Variants in PTPRO observed in about 807,000 individuals in gnomAD.
PTPRO encodes the protein protein tyrosine phosphatase receptor type O.
Under a neutral mutation model 145.2 loss-of-function variants are expected in PTPRO, and 62 were observed. The ratio of observed to expected loss-of-function variants is 0.43; its 90% confidence interval spans 0.35 to 0.53. The LOEUF (loss-of-function observed/expected upper bound fraction) is 0.53, where lower values mean the gene tolerates loss of function less well. PTPRO is among the 20% of genes least tolerant of loss of function. The pLI, the probability that PTPRO is intolerant of heterozygous loss-of-function variation, is 0.01. For missense variants in PTPRO, 1,345 were observed against 1,482.7 expected (o/e 0.91, Z 1.53); for synonymous variants, 565 against 514.7 (o/e 1.10, Z -1.32).
At chr12:15,570,741 A>C (rs2135611251) in intron 19 of PTPRO, among the ~76,000 whole-genome samples, 1 of 152,328 alleles carries the variant, frequency 6.6e-6, no homozygotes, top group Non-Finnish European at 1.5e-5. Context: ...AACTCTGAAA[A>C]AATAAATAGC....
chr12:15,361,206 G>A (rs1452537211), intron 1 of PTPRO, among the ~76,000 whole-genome samples: 1 of 151,736 alleles, frequency 6.6e-6, no homozygotes, highest in Non-Finnish European at 1.5e-5. Context: ...GGGAGGCCAA[G>A]GCAGGCAGAT....
intron 17 of PTPRO, among the ~76,000 whole-genome samples, chr12:15,562,837 A>C (rs1200542385): frequency 6.6e-6 from 1 of 151,830 alleles, no homozygotes; most frequent in African/African-American, 2.4e-5. Context: ...TTTAAGCAAG[A>C]AGTGGCATTT....
At chr12:15,481,771 C>A (rs926994902) in intron 1 of PTPRO, among the ~76,000 whole-genome samples, 2 of 152,082 alleles carry the variant, frequency 1.3e-5, no homozygotes, top group African/African-American at 4.8e-5. Flanking sequence ...AACTGGATTT[C>A]TGAAAAATAA....
intron 1 of PTPRO, among the ~76,000 whole-genome samples, chr12:15,333,556 A>T (rs1436735464): frequency 1.3e-5 from 2 of 152,146 alleles, no homozygotes; most frequent in Non-Finnish European, 2.9e-5. Context: ...TATGGGACAG[A>T]CTCGAGACAG....
At chr12:15,369,655 G>T (rs969226338) in intron 1 of PTPRO, among the ~76,000 whole-genome samples, 45 of 152,152 alleles carry the variant, frequency 3.0e-4, no homozygotes, top group African/African-American at 1.1e-3. Flanking sequence ...AACTAAAAAT[G>T]ATTTTCAGCC....
intron 12 of PTPRO, among the ~76,000 whole-genome samples, chr12:15,544,160 T>A (rs1244691195): frequency 6.6e-6 from 1 of 152,044 alleles, no homozygotes; most frequent in Non-Finnish European, 1.5e-5. Flanking sequence ...TGATGATCAA[T>A]GAATGTGATC....
intron 1 of PTPRO, among the ~76,000 whole-genome samples, chr12:15,370,948 A>G (rs373544336): frequency 7.2e-5 from 11 of 152,340 alleles, no homozygotes; most frequent in African/African-American, 2.4e-4. Flanking sequence ...GCAAAGCAGA[A>G]CAGTAACCCT....
chr12:15,519,419 G>A (rs1942667232), intron 9 of PTPRO, among the ~76,000 whole-genome samples: 1 of 152,118 alleles, frequency 6.6e-6, no homozygotes, highest in Admixed American at 6.5e-5. Flanking sequence ...TTTAGGTTTT[G>A]GGATTCTCTT....
intron 23 of PTPRO, among the ~76,000 whole-genome samples, chr12:15,585,321 T>C (rs1420589419): frequency 6.6e-6 from 1 of 152,202 alleles, no homozygotes; most frequent in African/African-American, 2.4e-5. Context: ...TAAATTATTC[T>C]GCACAATTCT....
intron 1 of PTPRO, among the ~76,000 whole-genome samples, chr12:15,400,584 C>T (rs1939465103): frequency 6.6e-6 from 1 of 152,210 alleles, no homozygotes; most frequent in African/African-American, 2.4e-5. Context: ...TCTCCAACTC[C>T]TCCAACTGAG....
chr12:15,592,245 A>G (rs1217248726), intron 25 of PTPRO, among the ~76,000 whole-genome samples: 1 of 152,190 alleles, frequency 6.6e-6, no homozygotes, highest in Non-Finnish European at 1.5e-5. Context: ...CCAGGTCACA[A>G]AAGTTAACAA....
rs1246933902 is a variant in PTPRO, at chr12:15,371,054, T to C, written c.75+48253T>C. ...ACTATAATGCAAGTTATAATCTGGA[T>C]CTTCAGCAAACTATTCAGATCAGCT... On this transcript the variant is annotated intron_variant, in intron 1 of 26. Transcript: ENST00000281171. Among the ~76,000 whole-genome samples, 11 of 152,216 alleles carry C rather than the reference T, an allele frequency of 7.2e-5. 1 individual carries two copies. Among genetic ancestry groups the C allele is most frequent in the Admixed American group, 7.2e-4 (11 of 15,270 alleles).
rs376460659 is a variant in PTPRO, at chr12:15,516,845, C to T, written c.1668C>T (p.Gly556=). 1.4e-5 allele frequency: 23 copies of T among 1,611,676 alleles called. No individual in the cohort carries two copies. The highest frequency in any genetic ancestry group is 2.2e-5 in the South Asian group (2 of 91,050). Residue 556 remains glycine (G), a synonymous_variant, in exon 9 of 27, where the codon GGC becomes GGT. Transcript: ENST00000281171. Reference sequence around the variant, plus strand: ...TGAGCTGGACCAGACCTTATTTAGGCGTGTTCAGAAAATACGTGGTTGAAA... The same window carrying T: ...TGAGCTGGACCAGACCTTATTTAGGTGTGTTCAGAAAATACGTGGTTGAAA... ...VVLSWTRPYL[G]VFRKYVVEMF...
rs149003722 is a variant in PTPRO, at chr12:15,582,647, A to C, written c.3255+846A>C. 1.4e-3 allele frequency among the ~76,000 whole-genome samples: 214 copies of C among 152,356 alleles called. 1 individual carries two copies. Among genetic ancestry groups the C allele is most frequent in the African/African-American group, 4.9e-3 (204 of 41,584 alleles). On this transcript the variant is annotated intron_variant, in intron 23 of 26. Coordinates refer to ENST00000281171, the MANE Select transcript of PTPRO (RefSeq NM_030667.3). ...AATCATATATGAGTATAATTGGGGT[A>C]TATAAGGCACACTTATGTTTTAAAT...
intron 1 of PTPRO, among the ~76,000 whole-genome samples, chr12:15,336,096 A>T (rs1866753172): frequency 6.6e-6 from 1 of 152,204 alleles, no homozygotes; most frequent in Admixed American, 6.5e-5. Context: ...AGATGTTCAC[A>T]GCGGAAAATG....
chr12:15,355,831 G>A lies in PTPRO; in HGVS notation c.75+33030G>A, dbSNP rs1445681244. Among the ~76,000 whole-genome samples the A allele has an allele frequency of 5.3e-5, 8 of 152,286 alleles. No homozygotes were observed. The East Asian group carries it at 9.6e-4, about 18-fold the overall frequency. ...TGTGTAAAAGAAAAATAACAAAAAA[G>A]TATCTATTCGTTTGAGGAGGTAGCT... On this transcript the variant is annotated intron_variant, in intron 1 of 26. Transcript: ENST00000281171.
chr12:15,528,121 A>G (rs1591689650), intron 12 of PTPRO, among the ~76,000 whole-genome samples: 1 of 152,244 alleles, frequency 6.6e-6, no homozygotes, highest in East Asian at 1.9e-4. Flanking sequence ...TGGACAAAGG[A>G]GTGGAATGAT....
intron 1 of PTPRO, among the ~76,000 whole-genome samples, chr12:15,411,595 G>A (rs1042513290): frequency 2.0e-5 from 3 of 152,146 alleles, no homozygotes; most frequent in African/African-American, 4.8e-5. Context: ...GCTGTCATAC[G>A]TCTCACTACC....
At chr12:15,532,905 A>G (rs1351987793) in intron 12 of PTPRO, among the ~76,000 whole-genome samples, 1 of 152,168 alleles carries the variant, frequency 6.6e-6, no homozygotes, top group Non-Finnish European at 1.5e-5. Flanking sequence ...AGTGTTTCTC[A>G]GGTCCTAGCA....
Sources: allele counts gnomAD v4.1 joint callset (sites outside exome capture counted in the v4.1 genomes callset), GRCh38; gene constraint gnomAD v4.1.1; transcripts MANE v1.5; gene names NCBI Gene and HGNC (gene_info 2026-07-23, HGNC 2026-07-21).